Variants in UBN2 observed in about 807,000 individuals in gnomAD.
UBN2 encodes the protein ubinuclein-2.
UBN2 carries 35 observed loss-of-function variants against 120.2 expected under a neutral mutation model. The ratio of observed to expected loss-of-function variants is 0.29; its 90% confidence interval spans 0.22 to 0.39. The LOEUF (loss-of-function observed/expected upper bound fraction) is 0.39, where lower values mean the gene tolerates loss of function less well. Among genes scored for constraint, UBN2 ranks in the 10% least tolerant of loss-of-function variants. UBN2 has a pLI of 1.00. For missense variants in UBN2, 1,693 were observed against 1,663.2 expected (o/e 1.02, Z -0.31); for synonymous variants, 661 against 648.7 (o/e 1.02, Z -0.29).
At chr7:139,246,242 G>C (rs531236249) in intron 2 of UBN2, among the ~76,000 whole-genome samples, 2 of 152,130 alleles carry the variant, frequency 1.3e-5, no homozygotes, top group Non-Finnish European at 2.9e-5. Flanking sequence ...GTGCGCACCT[G>C]CAGTCCCAGC....
At chr7:139,328,624 A>G in the UBN2 span, among the ~76,000 whole-genome samples, 9 of 152,306 alleles carry the variant, frequency 5.9e-5, no homozygotes, top group African/African-American at 1.9e-4. Flanking sequence ...GAAAGAGTCC[A>G]GGGAAAATTA....
intron 1 of UBN2, among the ~76,000 whole-genome samples, chr7:139,232,407 T>A (rs533571687): frequency 1.3e-5 from 2 of 152,316 alleles, no homozygotes; most frequent in Non-Finnish European, 2.9e-5. Flanking sequence ...CCCTCTCGTA[T>A]CATCCTCATC....
At chr7:139,266,237 A>G (rs1797095041) in intron 6 of UBN2, 96 bp from the exon 7 acceptor site, 9 of 783,546 alleles carry the variant, frequency 1.1e-5, no homozygotes, top group Non-Finnish European at 1.4e-5. Flanking sequence ...AAAAAAAAAA[A>G]AAAAAAAAGA....
At chr7:139,239,588 A>G (rs1214611178) in intron 2 of UBN2, among the ~76,000 whole-genome samples, 2 of 100,510 alleles carry the variant, frequency 2.0e-5, no homozygotes, top group Non-Finnish European at 3.7e-5. Flanking sequence ...GCAGAGTTTC[A>G]CTCTTGTTGC....
intron 1 of UBN2, among the ~76,000 whole-genome samples, chr7:139,235,223 G>A (rs1796131889): frequency 6.6e-6 from 1 of 152,132 alleles, no homozygotes. Context: ...GCTTCACAGT[G>A]CAAGAGGGAG....
chr7:139,321,698 G>A, the UBN2 span, among the ~76,000 whole-genome samples: 3 of 152,266 alleles, frequency 2.0e-5, no homozygotes, highest in Admixed American at 2.0e-4. Context: ...AGACTCTCCA[G>A]AACGCACGAG....
intron 1 of UBN2, among the ~76,000 whole-genome samples, chr7:139,233,291 T>A (rs1258467569): frequency 1.3e-5 from 2 of 152,200 alleles, no homozygotes; most frequent in East Asian, 3.8e-4. Context: ...ATGCCCCTTC[T>A]TTATAAATCT....
At chr7:139,266,922 G>A (rs1403592738) in intron 7 of UBN2, among the ~76,000 whole-genome samples, 3 of 152,150 alleles carry the variant, frequency 2.0e-5, no homozygotes, top group Admixed American at 2.0e-4. Flanking sequence ...GTTAGATTGA[G>A]AATAAGAAGG....
chr7:139,294,001 C>T lies in UBN2; in HGVS notation c.3994+20C>T. ...TTCACGGTGAGAACGCCACCTCCTT[C>T]ATCTCTTTCTTATTTGTATAGGCTT... On this transcript the variant is annotated intron_variant, in intron 17 of 17. Coordinates refer to ENST00000473989, the MANE Select transcript of UBN2 (RefSeq NM_173569.4). 1 of 1,605,942 alleles carries T rather than the reference C, an allele frequency of 6.2e-7. No individual in the cohort carries two copies. Among genetic ancestry groups the T allele is most frequent in the African/African-American group, 1.3e-5 (1 of 74,852 alleles).
At chr7:139,296,976 A>G (rs1585034325) in intron 17 of UBN2, among the ~76,000 whole-genome samples, 3 of 152,210 alleles carry the variant, frequency 2.0e-5, no homozygotes, top group South Asian at 2.1e-4. Flanking sequence ...AGGGTGGATC[A>G]TGAGGTCAGG....
Position 139,261,580 on chromosome 7 carries a change from C to T in UBN2, c.1234C>T (p.Leu412=), listed in dbSNP as rs771094127. The change falls in exon 6 of 18, where the codon CTG becomes TTG. Residue 412 remains leucine (L), a synonymous_variant. Coordinates refer to ENST00000473989, the MANE Select transcript of UBN2 (RefSeq NM_173569.4). The part of the protein sequence containing the change: ...MLDDFDFDRL[L]DAASDGSPLS... ...AGATGATTTTGACTTCGACAGATTA[C>T]TGGATGCTGCTTCTGATGGTAGCCC... 45 of 1,614,116 alleles carry T rather than the reference C, an allele frequency of 2.8e-5. No homozygotes were observed. Among genetic ancestry groups the T allele is most frequent in the Non-Finnish European group, 3.5e-5 (41 of 1,180,052 alleles).
At chr7:139,319,437 T>C in the UBN2 span, among the ~76,000 whole-genome samples, 3 of 152,264 alleles carry the variant, frequency 2.0e-5, no homozygotes, top group Non-Finnish European at 4.4e-5. Context: ...TTCTTTCCTT[T>C]TGGCTGCCTG....
At chr7:139,321,835 A>G in the UBN2 span, among the ~76,000 whole-genome samples, 39,362 of 152,074 alleles carry the variant, frequency 0.26, 5,505 homozygotes, top group Middle Eastern at 0.37. Context: ...AGCAGCCAGC[A>G]AGGCCGGAGG....
chr7:139,231,522 C>CA lies in UBN2; in HGVS notation c.39dup (p.Pro14ThrfsTer15). ...CGCAGAGTAGCGTTCATTAGCTTGT[C>CA]ACCGGTGCGGCGGCGCGAGGCCGAG... On this transcript the variant is annotated frameshift_variant, in exon 1 of 18. Coordinates refer to ENST00000473989, the MANE Select transcript of UBN2 (RefSeq NM_173569.4). LOFTEE classifies it high-confidence loss of function. The CA allele has an allele frequency of 7.0e-7, 1 of 1,419,704 alleles. No homozygotes were observed. The highest frequency in any genetic ancestry group is 1.5e-5 in the African/African-American group (1 of 67,560). 87.9% of individuals were successfully genotyped at this position (1,419,704 alleles called of 1,614,324 possible).
At chr7:139,276,382 G>C (rs1397654045) in intron 12 of UBN2, 4 of 494,420 alleles carry the variant, frequency 8.1e-6, no homozygotes, top group Non-Finnish European at 1.4e-5. Context: ...TAGTAGGGAA[G>C]CATGAAGGCT....
chr7:139,294,890 C>T (rs898786729), intron 17 of UBN2, among the ~76,000 whole-genome samples: 3 of 152,202 alleles, frequency 2.0e-5, no homozygotes, highest in Non-Finnish European at 2.9e-5. Flanking sequence ...TCCTTGTAGG[C>T]AGCCAGATCG....
At chr7:139,326,294 A>T in the UBN2 span, among the ~76,000 whole-genome samples, 1 of 152,020 alleles carries the variant, frequency 6.6e-6, no homozygotes, top group Admixed American at 6.6e-5. Flanking sequence ...CAAACAAAAA[A>T]TGGGCATTGC....
chr7:139,235,889 G>C (rs1175527153), intron 1 of UBN2, among the ~76,000 whole-genome samples: 1 of 152,062 alleles, frequency 6.6e-6, no homozygotes, highest in South Asian at 2.1e-4. Context: ...TTTTTAGACC[G>C]ATCATGTCTC....
chr7:139,296,737 T>G (rs1403325299), intron 17 of UBN2, among the ~76,000 whole-genome samples: 1 of 152,152 alleles, frequency 6.6e-6, no homozygotes, highest in Non-Finnish European at 1.5e-5. Flanking sequence ...AAAATAGAAA[T>G]TATTTTGAGC....
Sources: gnomAD v4.1 joint callset for allele counts (sites outside exome capture counted in the v4.1 genomes callset) on GRCh38, gnomAD v4.1.1 for gene constraint, MANE v1.5 for transcripts, NCBI Gene and HGNC (gene_info 2026-07-23, HGNC 2026-07-21) for gene names.